The following SCRG1 variants were observed in gnomAD, a reference collection of about 807,000 sequenced individuals.
The protein encoded by SCRG1 is scrapie-responsive protein 1.
Under a neutral mutation model 7.7 loss-of-function variants are expected in SCRG1, and 3 were observed. The observed-to-expected ratio is 0.39, with a 90% CI of 0.18 to 1.01. The LOEUF (loss-of-function observed/expected upper bound fraction) is 1.01. Ranked by LOEUF, SCRG1 falls within the 50% of genes least tolerant of loss-of-function variation. The pLI is 0.36. For synonymous variants in SCRG1, 46 were observed against 41.2 expected, an observed-to-expected ratio of 1.12 and a Z score of -0.44; for missense variants, 110 against 117.2, an observed-to-expected ratio of 0.94 and a Z score of 0.28.
At chr4:173,408,943 G>A (rs1739979051), upstream of SCRG1, among the ~76,000 whole-genome samples, 1 of 137,066 alleles carries the variant, frequency 7.3e-6, no homozygotes, top group African/African-American at 2.8e-5. Flanking sequence ...AGTGAGCCGA[G>A]ATGGCGCCGC....
the SCRG1 span, among the ~76,000 whole-genome samples, chr4:173,486,245 T>C: frequency 6.6e-6 from 1 of 152,190 alleles, no homozygotes; most frequent in Non-Finnish European, 1.5e-5. Context: ...AACTTCTATT[T>C]ACATTTTGGT....
At chr4:173,516,491 TA>T in the SCRG1 span, among the ~76,000 whole-genome samples, 1 of 152,204 alleles carries the variant, frequency 6.6e-6, no homozygotes, top group Non-Finnish European at 1.5e-5. Context: ...TAATGCGTAT[TA>T]AAAGGCAAGC....
the SCRG1 span, among the ~76,000 whole-genome samples, chr4:173,518,601 C>A: frequency 3.9e-5 from 6 of 152,134 alleles, no homozygotes; most frequent in Non-Finnish European, 8.8e-5. Context: ...CTTCCCTGGA[C>A]TTCCGCAGTC....
upstream of SCRG1, among the ~76,000 whole-genome samples, chr4:173,409,299 CAG>C (rs766940464): frequency 5.9e-5 from 9 of 152,180 alleles, no homozygotes; most frequent in Non-Finnish European, 1.3e-4. Flanking sequence ...AACATTATAA[CAG>C]GGGAAATCTT....
At chr4:173,439,962 A>T in the SCRG1 span, among the ~76,000 whole-genome samples, 8 of 152,220 alleles carry the variant, frequency 5.3e-5, no homozygotes, top group Non-Finnish European at 1.2e-4. Context: ...CCAACTAGTC[A>T]ACTTGTGAAC....
chr4:173,471,341 G>A, the SCRG1 span, among the ~76,000 whole-genome samples: 56 of 152,210 alleles, frequency 3.7e-4, 1 homozygote, highest in South Asian at 7.3e-3. Context: ...TGGCCAAGCC[G>A]CCACTGGGCC....
chr4:173,518,639 G>T, the SCRG1 span, among the ~76,000 whole-genome samples: 1 of 151,994 alleles, frequency 6.6e-6, no homozygotes, highest in South Asian at 2.1e-4. Flanking sequence ...AGAACCTGCC[G>T]AGCCCCTGCT....
chr4:173,498,233 T>C, the SCRG1 span, among the ~76,000 whole-genome samples: 1 of 152,348 alleles, frequency 6.6e-6, no homozygotes, highest in South Asian at 2.1e-4. Flanking sequence ...TGAAACCTTG[T>C]CCCAATGGCC....
chr4:173,451,220 A>G, the SCRG1 span, among the ~76,000 whole-genome samples: 1 of 150,540 alleles, frequency 6.6e-6, no homozygotes, highest in African/African-American at 2.4e-5. Context: ...GAGAAGAGCT[A>G]AGAGGAAAAG....
intron 1 of SCRG1, among the ~76,000 whole-genome samples, chr4:173,398,626 C>CA (rs1201544325): frequency 3.9e-5 from 6 of 151,962 alleles, no homozygotes. Context: ...TTTTTAAAAG[C>CA]AAAAAACATT....
chr4:173,485,031 ATATATTATATATT>A, the SCRG1 span, among the ~76,000 whole-genome samples: 53 of 27,364 alleles, frequency 1.9e-3, 6 homozygotes, highest in East Asian at 0.012. Context: ...ATAATATATT[ATATATTATATATT>A]ATATAATATA....
upstream of SCRG1, among the ~76,000 whole-genome samples, chr4:173,406,893 C>T (rs934179274): frequency 3.3e-5 from 5 of 152,054 alleles, no homozygotes; most frequent in African/African-American, 1.2e-4. Context: ...ATCTTGGTTG[C>T]GTACAGTTTT....
Position 173,387,600 on chromosome 4 carries a change from C to A in SCRG1, c.*741G>T, listed in dbSNP as rs1337362202. 1.3e-5 allele frequency: 2 copies of A among 151,294 alleles called. No homozygotes were observed. Among genetic ancestry groups the A allele is most frequent in the Non-Finnish European group, 1.5e-5 (1 of 67,962 alleles). 9.4% of individuals were successfully genotyped at this position (151,294 alleles called of 1,614,324 possible). ...GACTCAAGTGATCTTCCCGCCTTGG[C>A]CTCCCAAAATGCTAGGATTACAGGC... On this transcript the variant is annotated 3_prime_UTR_variant, in exon 3 of 3. Coordinates refer to ENST00000296506, the MANE Select transcript of SCRG1 (RefSeq NM_007281.4).
the SCRG1 span, among the ~76,000 whole-genome samples, chr4:173,450,421 G>A: frequency 5.8e-4 from 89 of 152,230 alleles, no homozygotes; most frequent in East Asian, 0.014. Context: ...GATCCTGGGC[G>A]TTCCTGAGCC....
At chr4:173,404,872 TAAAC>T (rs1739861743) in intron 1 of SCRG1, among the ~76,000 whole-genome samples, 1 of 152,264 alleles carries the variant, frequency 6.6e-6, no homozygotes, top group Non-Finnish European at 1.5e-5. Flanking sequence ...ATATCATTTT[TAAAC>T]AAACATTTTT....
the SCRG1 span, chr4:173,419,574 C>T: frequency 2.7e-6 from 2 of 728,396 alleles, no homozygotes; most frequent in Non-Finnish European, 5.0e-6. Flanking sequence ...GCATTAAATT[C>T]CTTGTTTTCA....
At chr4:173,484,436 CATATGATATATAA>C in the SCRG1 span, among the ~76,000 whole-genome samples, 1 of 50,592 alleles carries the variant, frequency 2.0e-5, no homozygotes, top group African/African-American at 8.4e-5. Flanking sequence ...ATATTATATA[CATATGATATATAA>C]TATATATTAT....
the SCRG1 span, among the ~76,000 whole-genome samples, chr4:173,456,758 CA>C: frequency 0.98 from 149,325 of 152,158 alleles, 73,341 homozygotes; most frequent in Non-Finnish European, 1. Context: ...TAAGGATTGA[CA>C]AAAAAAAAGT....
At chr4:173,434,517 T>C in the SCRG1 span, among the ~76,000 whole-genome samples, 81 of 152,252 alleles carry the variant, frequency 5.3e-4, no homozygotes, top group African/African-American at 1.9e-3. Context: ...AAAGATACAT[T>C]TTAAAATATT....
Sources: gnomAD v4.1 joint callset for allele counts (sites outside exome capture counted in the v4.1 genomes callset) on GRCh38, gnomAD v4.1.1 for gene constraint, MANE v1.5 for transcripts, NCBI Gene and HGNC (gene_info 2026-07-23, HGNC 2026-07-21) for gene names.